SGCG: variants seen among roughly 807,000 people sequenced by gnomAD.
The protein encoded by SGCG is gamma-sarcoglycan.
A neutral mutation model predicts 29.3 loss-of-function variants in SGCG; 26 were observed. The observed-to-expected ratio is 0.89, with a 90% CI of 0.65 to 1.23. The LOEUF (loss-of-function observed/expected upper bound fraction) is 1.23. SGCG is among the 50% of genes most tolerant of loss of function. The probability of loss-of-function intolerance (pLI) is 0.00; values close to 1 mark genes in which losing one functional copy is unlikely to be tolerated. For synonymous variants in SGCG, 145 were observed against 129.7 expected (o/e 1.12, Z -0.80); for missense variants, 353 against 356.0 (o/e 0.99, Z 0.07).
intron 6 of SGCG, among the ~76,000 whole-genome samples, chr13:23,319,702 G>A (rs1323272948): frequency 2.0e-5 from 3 of 152,100 alleles, no homozygotes; most frequent in East Asian, 3.8e-4. Context: ...TAGGATTTCC[G>A]AATTAGGTAT....
At chr13:23,214,286 T>C (rs1878344338) in intron 2 of SGCG, among the ~76,000 whole-genome samples, 1 of 152,162 alleles carries the variant, frequency 6.6e-6, no homozygotes, top group African/African-American at 2.4e-5. Flanking sequence ...AGAGATTAAT[T>C]TGAGACTGAG....
intron 1 of SGCG, among the ~76,000 whole-genome samples, chr13:23,196,023 C>T (rs555899748): frequency 6.6e-6 from 1 of 151,630 alleles, no homozygotes; most frequent in Non-Finnish European, 1.5e-5. Context: ...TTTTTAGTTT[C>T]CTTACAGTAT....
At chr13:23,313,857 C>T (rs1347698271) in intron 6 of SGCG, among the ~76,000 whole-genome samples, 1 of 152,148 alleles carries the variant, frequency 6.6e-6, no homozygotes, top group African/African-American at 2.4e-5. Flanking sequence ...GGCAGACCCA[C>T]CCTTAACCCC....
intron 2 of SGCG, among the ~76,000 whole-genome samples, chr13:23,220,551 C>A (rs1488987199): frequency 6.6e-6 from 1 of 152,144 alleles, no homozygotes; most frequent in African/African-American, 2.4e-5. Context: ...TTAAATTATT[C>A]TCTATAGTGA....
At chr13:23,314,892 C>T (rs913339261) in intron 6 of SGCG, among the ~76,000 whole-genome samples, 2 of 152,176 alleles carry the variant, frequency 1.3e-5, no homozygotes, top group African/African-American at 4.8e-5. Context: ...GCAACACATT[C>T]CTCATTTGGG....
intron 1 of SGCG, among the ~76,000 whole-genome samples, chr13:23,195,936 G>GA (rs1877487667): frequency 6.6e-6 from 1 of 151,668 alleles, no homozygotes. Flanking sequence ...TCTATAAATT[G>GA]AAAAAATACA....
At chr13:23,206,926 A>C (rs1425924671) in intron 2 of SGCG, among the ~76,000 whole-genome samples, 1 of 152,226 alleles carries the variant, frequency 6.6e-6, no homozygotes, top group Non-Finnish European at 1.5e-5. Flanking sequence ...ATTCCCATCA[A>C]AATTCCAATG....
intron 4 of SGCG, among the ~76,000 whole-genome samples, chr13:23,275,426 C>T (rs796925700): frequency 2.2e-4 from 34 of 151,740 alleles, no homozygotes; most frequent in African/African-American, 7.5e-4. Flanking sequence ...TCGCTTGAAC[C>T]CGGGAGGCGG....
At chr13:23,167,616 T>C in the SGCG span, among the ~76,000 whole-genome samples, 1 of 152,224 alleles carries the variant, frequency 6.6e-6, no homozygotes, top group Non-Finnish European at 1.5e-5. Flanking sequence ...AGACAGTATC[T>C]TGTTGTAGTT....
chr13:23,286,296 AG>A (rs1309865855), intron 5 of SGCG, among the ~76,000 whole-genome samples: 1 of 152,234 alleles, frequency 6.6e-6, no homozygotes, highest in Non-Finnish European at 1.5e-5. Context: ...CAAAAGATGT[AG>A]GGTTTAGGAA....
intron 4 of SGCG, among the ~76,000 whole-genome samples, chr13:23,252,510 T>C (rs539212361): frequency 6.6e-6 from 1 of 152,142 alleles, no homozygotes; most frequent in South Asian, 2.1e-4. Flanking sequence ...GCTAACACAG[T>C]GAAACCACGT....
intron 2 of SGCG, among the ~76,000 whole-genome samples, chr13:23,205,358 G>T (rs1877945901): frequency 6.6e-6 from 1 of 152,132 alleles, no homozygotes; most frequent in African/African-American, 2.4e-5. Context: ...TATGGGATTT[G>T]CCAGAGACAA....
At chr13:23,223,701 T>C (rs1183624119) in intron 2 of SGCG, among the ~76,000 whole-genome samples, 1 of 152,162 alleles carries the variant, frequency 6.6e-6, no homozygotes, top group Non-Finnish European at 1.5e-5. Context: ...TGGTGGCTCA[T>C]GCCTGTAATC....
At chr13:23,245,208 T>C (rs1460547108) in intron 3 of SGCG, 1 of 152,180 alleles carries the variant, frequency 6.6e-6, no homozygotes, top group Non-Finnish European at 1.5e-5. Context: ...TGCCAGCCCC[T>C]TTCTAAAAGA....
chr13:23,193,469 C>A (rs1350753685), intron 1 of SGCG, among the ~76,000 whole-genome samples: 1 of 152,130 alleles, frequency 6.6e-6, no homozygotes, highest in Non-Finnish European at 1.5e-5. Context: ...CCAGGATGAG[C>A]ACAGCTGTCC....
intron 3 of SGCG, among the ~76,000 whole-genome samples, chr13:23,238,300 C>T (rs1265026371): frequency 3.3e-5 from 5 of 152,184 alleles, no homozygotes; most frequent in Admixed American, 6.5e-5. Flanking sequence ...GCTTGCTGCA[C>T]GTGGACAGCG....
intron 3 of SGCG, chr13:23,246,519 C>T (rs1359459572): frequency 1.3e-5 from 2 of 152,716 alleles, no homozygotes; most frequent in Non-Finnish European, 2.9e-5. Flanking sequence ...ATCCTCAAAA[C>T]CTAAGGGACA....
At chr13:23,204,688 TC>T in intron 2 of SGCG, among the ~76,000 whole-genome samples, 1 of 150,834 alleles carries the variant, frequency 6.6e-6, no homozygotes, top group Non-Finnish European at 1.5e-5. Flanking sequence ...TTCTCCTCTT[TC>T]TCTCTTTCTT....
At chr13:23,299,297 C>T (rs71429834) in intron 6 of SGCG, among the ~76,000 whole-genome samples, 1 of 150,564 alleles carries the variant, frequency 6.6e-6, no homozygotes, top group South Asian at 2.1e-4. Context: ...ATATCTTCTT[C>T]TTCTGCAACT....
Sources: allele counts gnomAD v4.1 joint callset (sites outside exome capture counted in the v4.1 genomes callset), GRCh38; gene constraint gnomAD v4.1.1; transcripts MANE v1.5; gene names NCBI Gene and HGNC (gene_info 2026-07-23, HGNC 2026-07-21).